SCTR: variants seen among roughly 807,000 people sequenced by gnomAD.
SCTR encodes the protein pancreatic secretin receptor.
Under a neutral mutation model 60.8 loss-of-function variants are expected in SCTR, and 56 were observed. The observed-to-expected ratio is 0.92, with a 90% confidence interval of 0.74 to 1.15. The LOEUF is 1.15. SCTR is among the 50% of genes most tolerant of loss of function. The probability of loss-of-function intolerance (pLI) is 0.00; values close to 1 mark genes in which losing one functional copy is unlikely to be tolerated. For missense variants in SCTR, 562 were observed against 550.4 expected (o/e 1.02, Z -0.21); for synonymous variants, 202 against 217.0 (o/e 0.93, Z 0.61).
rs1357534581 is a variant in SCTR, at chr2:119,448,757, G to C, written c.945C>G (p.Asn315Lys). The C allele has an allele frequency of 6.3e-7, 1 of 1,597,264 alleles. No homozygotes were observed. Among genetic ancestry groups the C allele is most frequent in the Middle Eastern group, 1.7e-4 (1 of 6,022 alleles). ...SILINFILFI[N>K]ILRILMRKLR... ...GTTTTCTCATCAGGATTCTTAGAAT[G>C]TTTATGAAAAGGATGAAATTAATCT... The change falls in exon 10 of 13, where the codon AAC becomes AAG. Residue 315 changes from asparagine (N) to lysine (K), a missense_variant. By Grantham distance (94) the Asn-to-Lys change is moderately conservative. Coordinates refer to ENST00000019103, the MANE Select transcript of SCTR (RefSeq NM_002980.3).
At chr2:119,522,903 A>T (rs982018404) in intron 1 of SCTR, among the ~76,000 whole-genome samples, 1 of 152,222 alleles carries the variant, frequency 6.6e-6, no homozygotes, top group Admixed American at 6.5e-5. Context: ...CAGCACTGCC[A>T]CTGAAGAGAG....
At chr2:119,515,840 G>A (rs1203354760) in intron 1 of SCTR, among the ~76,000 whole-genome samples, 2 of 152,152 alleles carry the variant, frequency 1.3e-5, no homozygotes, top group Non-Finnish European at 2.9e-5. Flanking sequence ...AGATGTGTTG[G>A]GTATTTCCTA....
In SCTR at chr2:119,444,428, TGAATATACACATATATATACGTAC is replaced by T. The variant is rs202044627; in HGVS notation, c.1140+2307_1140+2330del. On this transcript the variant is annotated intron_variant, in intron 11 of 12. Transcript: ENST00000019103. ...ATGAATATATATACCCATATACGTA[TGAATATACACATATATATACGTAC>T]GTATATATATACACATATATACGTA... is the stretch of plus-strand genomic sequence containing the variant. Among the ~76,000 whole-genome samples the T allele has an allele frequency of 7.9e-3, 926 of 117,556 alleles. 70 individuals carry two copies. Among genetic ancestry groups the T allele is most frequent in the African/African-American group, 0.024 (714 of 29,420 alleles). 77.1% of individuals were successfully genotyped at this position (117,556 alleles called of 152,430 possible).
rs140540063 is a variant in SCTR at position 119,473,695 on chromosome 2, C to T, written c.302-139G>A. 609 of 654,260 alleles carry T rather than the reference C, an allele frequency of 9.3e-4. 1 individual carries two copies. The African/African-American group carries it at 0.01, about 11-fold the overall frequency. 40.5% of individuals were successfully genotyped at this position (654,260 alleles called of 1,614,324 possible). On this transcript the variant is annotated intron_variant, in intron 3 of 12. Transcript: ENST00000019103. ...GGCACACAGCAGTTCCAGAACTTGC[C>T]CAAGACCACACCCTAGTAAATAGGG...
chr2:119,484,152 G>A (rs1216161885), intron 2 of SCTR, among the ~76,000 whole-genome samples: 1 of 152,094 alleles, frequency 6.6e-6, no homozygotes, highest in African/African-American at 2.4e-5. Flanking sequence ...AGGGGATGGG[G>A]GAGCTTTGTC....
At chr2:119,489,814 G>A (rs1220690365) in intron 2 of SCTR, among the ~76,000 whole-genome samples, 1 of 152,138 alleles carries the variant, frequency 6.6e-6, no homozygotes, top group African/African-American at 2.4e-5. Context: ...TGTGGACAGG[G>A]GCCAAGTCAG....
At chr2:119,493,218 A>G (rs1192363705) in intron 2 of SCTR, among the ~76,000 whole-genome samples, 1 of 152,222 alleles carries the variant, frequency 6.6e-6, no homozygotes, top group East Asian at 1.9e-4. Context: ...AGGTTTGTCC[A>G]TGCTGTAGAA....
At chr2:119,442,699 G>A (rs889954393) in intron 11 of SCTR, among the ~76,000 whole-genome samples, 1 of 152,114 alleles carries the variant, frequency 6.6e-6, no homozygotes, top group Non-Finnish European at 1.5e-5. Context: ...TCAGGGCATC[G>A]GTTTCCAAGT....
At chr2:119,441,766 G>A (rs1428556704) in intron 11 of SCTR, 167 bp from the exon 12 acceptor site, 8 of 639,912 alleles carry the variant, frequency 1.3e-5, no homozygotes, top group African/African-American at 3.6e-5. Context: ...GGCTGCCCAC[G>A]GTGGCCCTGG....
At chr2:119,509,240 G>A (rs1238827918) in intron 1 of SCTR, among the ~76,000 whole-genome samples, 4 of 152,142 alleles carry the variant, frequency 2.6e-5, no homozygotes, top group Admixed American at 6.5e-5. Context: ...GAGCCAAGCC[G>A]GGAGAGCCCA....
chr2:119,484,376 A>G (rs1339511574), intron 2 of SCTR, among the ~76,000 whole-genome samples: 12 of 151,770 alleles, frequency 7.9e-5, no homozygotes, highest in Non-Finnish European at 1.5e-4. Context: ...AAGTGGGGAA[A>G]CAAGAGAAGA....
At chr2:119,465,641 G>A (rs957814743) in intron 5 of SCTR, 148 bp downstream of exon 5, 2 of 616,838 alleles carry the variant, frequency 3.2e-6, no homozygotes, top group Non-Finnish European at 5.9e-6. Context: ...CAGGAACCTC[G>A]ATGTTTTGCC....
chr2:119,494,662 C>T (rs1331511236), intron 1 of SCTR, 114 bp from the exon 2 acceptor site: 4 of 1,128,770 alleles, frequency 3.5e-6, no homozygotes, highest in Non-Finnish European at 5.1e-6. Context: ...AAGCAAAGCC[C>T]TTGCCTGCAA....
intron 7 of SCTR, 135 bp downstream of exon 7, chr2:119,461,711 CA>C (rs539293803): frequency 0.17 from 48,510 of 292,604 alleles, 396 homozygotes; most frequent in African/African-American, 0.27. Flanking sequence ...AACTCCAACT[CA>C]AAAAAAAAAA....
chr2:119,469,625 G>T (rs1328556586), intron 4 of SCTR, among the ~76,000 whole-genome samples: 1 of 152,154 alleles, frequency 6.6e-6, no homozygotes, highest in Non-Finnish European at 1.5e-5. Context: ...GAGTAGCTAA[G>T]ACTACAGGCA....
intron 1 of SCTR, among the ~76,000 whole-genome samples, chr2:119,518,518 A>T (rs1470441328): frequency 6.6e-6 from 1 of 152,164 alleles, no homozygotes; most frequent in East Asian, 1.9e-4. Flanking sequence ...GACGTGATGA[A>T]CCAGGGATGA....
chr2:119,446,631 C>T (rs1250621723), intron 11 of SCTR, 128 bp downstream of exon 11: 9 of 910,264 alleles, frequency 9.9e-6, no homozygotes, highest in African/African-American at 1.7e-5. Context: ...CTGTCAGGTC[C>T]GACCCCTTCT....
intron 4 of SCTR, 47 bp downstream of exon 4, chr2:119,473,406 A>C: frequency 1.5e-6 from 2 of 1,353,734 alleles, no homozygotes; most frequent in Non-Finnish European, 2.1e-6. Context: ...TCCTCACCCT[A>C]TAGGTTCCTG....
At chr2:119,447,389 A>G (rs1682975373) in intron 10 of SCTR, among the ~76,000 whole-genome samples, 1 of 152,190 alleles carries the variant, frequency 6.6e-6, no homozygotes, top group African/African-American at 2.4e-5. Context: ...ATAAATATTG[A>G]AAAACGATTT....
Sources: allele counts gnomAD v4.1 joint callset (sites outside exome capture counted in the v4.1 genomes callset), GRCh38; gene constraint gnomAD v4.1.1; transcripts MANE v1.5; gene names NCBI Gene and HGNC (gene_info 2026-07-23, HGNC 2026-07-21).